Variants in DAB2IP observed in about 807,000 individuals in gnomAD.
DAB2IP encodes disabled homolog 2-interacting protein.
In DAB2IP, 28 loss-of-function variants were observed where a neutral mutation model predicts 107.2. The observed-to-expected ratio is 0.26, with a 90% confidence interval of 0.19 to 0.36. DAB2IP has a LOEUF of 0.36. Among genes scored for constraint, DAB2IP ranks in the 10% least tolerant of loss-of-function variants. The probability of loss-of-function intolerance (pLI) is 1.00; values close to 1 mark genes in which losing one functional copy is unlikely to be tolerated. For synonymous variants in DAB2IP, 755 were observed against 706.4 expected (o/e 1.07, Z -1.09); for missense variants, 1,400 against 1,644.7 (o/e 0.85, Z 2.57).
At chr9:121,578,082 C>T (rs946109355) in intron 1 of DAB2IP, among the ~76,000 whole-genome samples, 33 of 151,908 alleles carry the variant, frequency 2.2e-4, no homozygotes, top group African/African-American at 7.7e-4. Context: ...CTCAGAGACC[C>T]TTTAGTCTCT....
At chr9:121,721,161 T>A (rs1447478464) in intron 3 of DAB2IP, among the ~76,000 whole-genome samples, 1 of 152,170 alleles carries the variant, frequency 6.6e-6, no homozygotes, top group Non-Finnish European at 1.5e-5. Context: ...TTGGTTGGGC[T>A]CTAGGTGGCA....
At chr9:121,747,501 T>C (rs1564196464) in intron 3 of DAB2IP, among the ~76,000 whole-genome samples, 1 of 152,026 alleles carries the variant, frequency 6.6e-6, no homozygotes, top group South Asian at 2.1e-4. Context: ...GCGCCCGCCA[T>C]CACGCCCAGC....
exon 16 of DAB2IP, chr9:121,783,123 C>T: frequency 2.8e-6 from 3 of 1,053,792 alleles, no homozygotes; most frequent in Non-Finnish European, 3.4e-6. Flanking sequence ...CTGAGGATTC[C>T]TACCCACCCA....
At chr9:121,681,255 C>T (rs1229504537) in intron 2 of DAB2IP, among the ~76,000 whole-genome samples, 1 of 152,172 alleles carries the variant, frequency 6.6e-6, no homozygotes, top group Admixed American at 6.5e-5. Flanking sequence ...GATCCATTGC[C>T]CCACACCCCC....
At chr9:121,693,704 T>G (rs1188236352) in intron 2 of DAB2IP, among the ~76,000 whole-genome samples, 1 of 152,168 alleles carries the variant, frequency 6.6e-6, no homozygotes, top group Non-Finnish European at 1.5e-5. Context: ...CAGGCCCACA[T>G]GCCCATCTGC....
At chr9:121,783,452 C>T in exon 16 of DAB2IP, 2 of 1,612,832 alleles carry the variant, frequency 1.2e-6, no homozygotes, top group Non-Finnish European at 1.7e-6. Context: ...GGTGATCCTT[C>T]CTCTGAGTGA....
intron 5 of DAB2IP, 51 bp downstream of exon 5, chr9:121,759,047 G>C (rs1833694320): frequency 6.5e-7 from 1 of 1,547,642 alleles, no homozygotes; most frequent in Non-Finnish European, 8.8e-7. Context: ...GGTAGGCTCA[G>C]ATAGGAGGAA....
chr9:121,651,327 G>A (rs1832728672), upstream of DAB2IP, among the ~76,000 whole-genome samples: 1 of 152,154 alleles, frequency 6.6e-6, no homozygotes, highest in South Asian at 2.1e-4. The surrounding 1 kb of genome is among the most constrained non-coding windows in gnomAD (Gnocchi z 5.1). Flanking sequence ...GTCCTACCCC[G>A]GGCTCCGGAG....
intron 3 of DAB2IP, among the ~76,000 whole-genome samples, chr9:121,727,730 G>T (rs1194310222): frequency 2.0e-5 from 3 of 152,358 alleles, no homozygotes; most frequent in African/African-American, 7.2e-5. Context: ...TAATGTATCT[G>T]TTAACACTTG....
intron 2 of DAB2IP, among the ~76,000 whole-genome samples, chr9:121,690,158 C>T (rs771662698): frequency 4.6e-5 from 7 of 152,188 alleles, no homozygotes; most frequent in African/African-American, 1.7e-4. Flanking sequence ...TGGAAGAGCC[C>T]TCATTAGTAT....
intron 5 of DAB2IP, 57 bp from the exon 6 acceptor site, chr9:121,759,828 T>G: frequency 2.0e-6 from 3 of 1,495,560 alleles, no homozygotes; most frequent in Non-Finnish European, 2.7e-6. Flanking sequence ...TCTGGGCTGG[T>G]TGGGGGTTGC....
intron 3 of DAB2IP, among the ~76,000 whole-genome samples, chr9:121,748,010 G>A (rs569544348): frequency 2.4e-4 from 37 of 152,152 alleles, no homozygotes; most frequent in Non-Finnish European, 3.7e-4. Context: ...GCGCCCTCTC[G>A]AATCCCTGGT....
At chr9:121,717,434 A>G (rs1253464062) in intron 3 of DAB2IP, among the ~76,000 whole-genome samples, 1 of 152,232 alleles carries the variant, frequency 6.6e-6, no homozygotes, top group Non-Finnish European at 1.5e-5. Context: ...ACAGAAAACT[A>G]TTTAACGCGC....
At chr9:121,585,446 C>A (rs1443769199) in intron 1 of DAB2IP, among the ~76,000 whole-genome samples, 3 of 152,104 alleles carry the variant, frequency 2.0e-5, no homozygotes, top group African/African-American at 7.2e-5. Context: ...TGAGTTGATA[C>A]GGATTAAAGC....
rs1203387123 is a variant in DAB2IP at position 121,699,254 on chromosome 9, G to T, written c.229-71G>T. Reference sequence around the variant, plus strand: ...GCCGCCCAGCAAGGGTGCGGGTCCCGCGCGGGTCCCGGCCCGCCGCCGCCG... The same window carrying T: ...GCCGCCCAGCAAGGGTGCGGGTCCCTCGCGGGTCCCGGCCCGCCGCCGCCG... On this transcript the variant is annotated intron_variant, in intron 2 of 15. Coordinates refer to ENST00000408936, the Ensembl canonical transcript of DAB2IP. The surrounding 1 kb of genome is among the most constrained non-coding windows in gnomAD (Gnocchi z 6.2). 8.5e-7 allele frequency: 1 copy of T among 1,180,644 alleles called. No homozygotes were observed. 73.1% of individuals were successfully genotyped at this position (1,180,644 alleles called of 1,614,324 possible). A position where few individuals can be genotyped will look rare whatever the true frequency, so the allele number is the denominator to read the frequency against.
At chr9:121,779,386 G>A (rs1349487124) in intron 14 of DAB2IP, among the ~76,000 whole-genome samples, 2 of 152,142 alleles carry the variant, frequency 1.3e-5, no homozygotes, top group African/African-American at 2.4e-5. Flanking sequence ...TTTTCCGCCT[G>A]CTTATGAGTT....
chr9:121,732,549 G>T (rs1004954557), intron 3 of DAB2IP, among the ~76,000 whole-genome samples: 1 of 152,098 alleles, frequency 6.6e-6, no homozygotes. Flanking sequence ...CTGAATAGGT[G>T]GTGAGGAGGA....
intron 1 of DAB2IP, among the ~76,000 whole-genome samples, chr9:121,585,673 C>T (rs1157564157): frequency 6.6e-6 from 1 of 152,016 alleles, no homozygotes; most frequent in African/African-American, 2.4e-5. Context: ...GCCAGGGCAG[C>T]AAGATCCCTG....
intron 3 of DAB2IP, among the ~76,000 whole-genome samples, chr9:121,727,401 G>A (rs915297142): frequency 2.0e-5 from 3 of 152,238 alleles, no homozygotes; most frequent in African/African-American, 2.4e-5. Flanking sequence ...TGTTTTAAGA[G>A]GGAGGCTTAG....
Sources: allele counts gnomAD v4.1 joint callset (sites outside exome capture counted in the v4.1 genomes callset), GRCh38; gene constraint gnomAD v4.1.1; non-coding constraint Gnocchi (gnomAD v3.1); transcripts MANE v1.5; gene names NCBI Gene and HGNC (gene_info 2026-07-23, HGNC 2026-07-21).